The following GRM7 variants were observed in gnomAD, a reference collection of about 807,000 sequenced individuals.
The protein encoded by GRM7 is glutamate metabotropic receptor 7.
In GRM7, 35 loss-of-function variants were observed where a neutral mutation model predicts 84.5. The observed-to-expected ratio is 0.41, with a 90% CI of 0.32 to 0.55. The LOEUF (loss-of-function observed/expected upper bound fraction) is 0.55. GRM7 is among the 20% of genes least tolerant of loss of function. The probability of loss-of-function intolerance (pLI) is 0.19; values close to 1 mark genes in which losing one functional copy is unlikely to be tolerated. For missense variants in GRM7, 1,003 were observed against 1,194.6 expected (o/e 0.84, Z 2.36); for synonymous variants, 487 against 455.1 (o/e 1.07, Z -0.89).
At chr3:7,627,063 G>A (rs1697650202) in intron 8 of GRM7, among the ~76,000 whole-genome samples, 1 of 152,036 alleles carries the variant, frequency 6.6e-6, no homozygotes, top group South Asian at 2.1e-4. Context: ...AGGCTGTTGA[G>A]CTTTGGGTCA....
chr3:6,995,057 C>T (rs58240461), intron 1 of GRM7, among the ~76,000 whole-genome samples: 6 of 50,944 alleles, frequency 1.2e-4, no homozygotes, highest in East Asian at 6.7e-4. Flanking sequence ...CCACTTTCCA[C>T]ACGCTCTTAT....
chr3:6,961,738 T>G, intron 1 of GRM7, among the ~76,000 whole-genome samples: 1 of 152,134 alleles, frequency 6.6e-6, no homozygotes, highest in East Asian at 1.9e-4. Context: ...TACCTCCTTG[T>G]TCTTAACTAG....
chr3:7,335,711 T>A (rs1464220612), intron 4 of GRM7, among the ~76,000 whole-genome samples: 1 of 151,708 alleles, frequency 6.6e-6, no homozygotes, highest in African/African-American at 2.4e-5. Flanking sequence ...CAATTAGAAA[T>A]GAAATGGGAG....
At chr3:7,126,244 G>A (rs1444783790) in intron 1 of GRM7, among the ~76,000 whole-genome samples, 1 of 152,180 alleles carries the variant, frequency 6.6e-6, no homozygotes, top group Non-Finnish European at 1.5e-5. Flanking sequence ...AAAATAGGCT[G>A]CTGCTCTGGT....
chr3:6,888,371 C>T lies in GRM7; in HGVS notation c.519+26464C>T, dbSNP rs188518369. 4.9e-3 allele frequency among the ~76,000 whole-genome samples: 750 copies of T among 152,202 alleles called. 6 individuals are homozygous for T. Among genetic ancestry groups the T allele is most frequent in the African/African-American group, 0.017 (700 of 41,510 alleles). On this transcript the variant is annotated intron_variant, in intron 1 of 9. Coordinates refer to ENST00000357716, the MANE Select transcript of GRM7 (RefSeq NM_000844.4). ...AGGGTTTTTATGGTTTTATGTCTAACGTTTAAGTCTTTAATCCATCTTGAA... is the reference window on the plus strand; with the variant it reads ...AGGGTTTTTATGGTTTTATGTCTAATGTTTAAGTCTTTAATCCATCTTGAA...
At chr3:7,165,351 A>C (rs773044980) in intron 2 of GRM7, among the ~76,000 whole-genome samples, 24 of 152,350 alleles carry the variant, frequency 1.6e-4, no homozygotes, top group Non-Finnish European at 3.1e-4. Flanking sequence ...TGTATGATAC[A>C]GGGAGAAAAA....
chr3:7,727,552 T>C (rs984976299), intron 9 of GRM7, among the ~76,000 whole-genome samples: 1 of 152,218 alleles, frequency 6.6e-6, no homozygotes, highest in East Asian at 1.9e-4. Flanking sequence ...TCCAGAGTTC[T>C]AGTGTTGAGA....
At chr3:7,296,978 C>A (rs1699837088) in intron 2 of GRM7, among the ~76,000 whole-genome samples, 1 of 151,888 alleles carries the variant, frequency 6.6e-6, no homozygotes, top group South Asian at 2.1e-4. Flanking sequence ...CATTGTTTTT[C>A]TCTATTATAT....
At position 6,862,923 on chromosome 3, in the gene GRM7, T is replaced by C; in HGVS notation, c.519+1016T>C. The C allele has an allele frequency of 2.3e-6, 1 of 437,632 alleles. No individual in the cohort carries two copies. Among genetic ancestry groups the C allele is most frequent in the East Asian group, 7.7e-5 (1 of 13,014 alleles). The allele number at this position is 437,632 out of a possible 1,614,324, so 27.1% of individuals were successfully genotyped here. On this transcript the variant is annotated intron_variant, in intron 1 of 9. Coordinates refer to ENST00000357716, the MANE Select transcript of GRM7 (RefSeq NM_000844.4). The surrounding 1 kb of genome is among the most constrained non-coding windows in gnomAD (Gnocchi z 5.2). ...GGGAGGAAGGCGGATCCGGGGCCGC[T>C]GAGCGGTGGGTTCTGCCGCAGTGTT...
At chr3:7,565,631 A>G (rs1694222793) in intron 7 of GRM7, among the ~76,000 whole-genome samples, 1 of 152,216 alleles carries the variant, frequency 6.6e-6, no homozygotes. Context: ...GTGCACAGTT[A>G]TATGGGAGGT....
At position 6,982,153 on chromosome 3, in the gene GRM7, G is replaced by C. The variant is rs1269083049; in HGVS notation, c.519+120246G>C. On this transcript the variant is annotated intron_variant, in intron 1 of 9. Transcript: ENST00000357716. Reference sequence around the variant, plus strand: ...AAATCATGTGCTTTGTGGCAACATAGCTTCAGCTGGAGGTCATTGTCCTAA... The same window carrying C: ...AAATCATGTGCTTTGTGGCAACATACCTTCAGCTGGAGGTCATTGTCCTAA... Among the ~76,000 whole-genome samples, 3 of 152,148 alleles carry C rather than the reference G, an allele frequency of 2.0e-5. No individual in the cohort carries two copies. The East Asian group carries it at 5.8e-4, about 29-fold the overall frequency.
intron 7 of GRM7, among the ~76,000 whole-genome samples, chr3:7,529,912 C>CTTT (rs58585620): frequency 7.1e-6 from 1 of 140,106 alleles, no homozygotes; most frequent in Non-Finnish European, 1.5e-5. Context: ...AGGACCTTTT[C>CTTT]TTTTTTTTTT....
intron 2 of GRM7, among the ~76,000 whole-genome samples, chr3:7,182,529 CA>C (rs767784226): frequency 5.3e-5 from 8 of 152,110 alleles, no homozygotes; most frequent in Admixed American, 2.0e-4. Context: ...GAAGTTACAA[CA>C]CAGTAAATCT....
chr3:7,662,575 C>T (rs1352713196), intron 8 of GRM7, among the ~76,000 whole-genome samples: 1 of 152,176 alleles, frequency 6.6e-6, no homozygotes, highest in Admixed American at 6.5e-5. Flanking sequence ...ATAGAAATTA[C>T]TGTTAAATTT....
At chr3:7,606,265 T>A (rs545188951) in intron 8 of GRM7, among the ~76,000 whole-genome samples, 14 of 152,190 alleles carry the variant, frequency 9.2e-5, no homozygotes, top group African/African-American at 2.9e-4. Flanking sequence ...CTCTTTTTTT[T>A]TATAAGACTA....
chr3:7,665,913 T>C (rs1343618470), intron 8 of GRM7, among the ~76,000 whole-genome samples: 2 of 152,218 alleles, frequency 1.3e-5, no homozygotes, highest in African/African-American at 4.8e-5. Flanking sequence ...CTTTTATATG[T>C]GCACCATACT....
intron 2 of GRM7, among the ~76,000 whole-genome samples, chr3:7,171,932 A>G (rs1183103398): frequency 6.6e-6 from 1 of 152,232 alleles, no homozygotes; most frequent in Non-Finnish European, 1.5e-5. Context: ...CAGTGAAATG[A>G]AAACAGCATG....
At chr3:7,707,281 C>T (rs1398053751) in intron 9 of GRM7, among the ~76,000 whole-genome samples, 2 of 152,136 alleles carry the variant, frequency 1.3e-5, no homozygotes, top group Non-Finnish European at 2.9e-5. Flanking sequence ...AGTTGGGCTA[C>T]ATTTCAGCAT....
intron 2 of GRM7, among the ~76,000 whole-genome samples, chr3:7,194,695 C>T (rs1325488337): frequency 1.3e-5 from 2 of 152,160 alleles, no homozygotes; most frequent in African/African-American, 4.8e-5. Flanking sequence ...AGCCAAGTTA[C>T]TTAACCTCTT....
Sources: allele counts gnomAD v4.1 joint callset (sites outside exome capture counted in the v4.1 genomes callset), GRCh38; gene constraint gnomAD v4.1.1; non-coding constraint Gnocchi (gnomAD v3.1); transcripts MANE v1.5; gene names NCBI Gene and HGNC (gene_info 2026-07-23, HGNC 2026-07-21).